LINGO1: variants seen among roughly 807,000 people sequenced by gnomAD.
LINGO1 encodes leucine rich repeat and Ig domain containing 1.
LINGO1 carries 11 observed loss-of-function variants against 37.3 expected under a neutral mutation model. The observed-to-expected ratio is 0.29, with a 90% confidence interval of 0.19 to 0.49. The LOEUF is 0.49. Among genes scored for constraint, LINGO1 ranks in the 20% least tolerant of loss-of-function variants. The pLI is 0.99. For synonymous variants in LINGO1, 387 were observed against 403.0 expected (o/e 0.96, Z 0.48); for missense variants, 585 against 878.2 (o/e 0.67, Z 4.22).
At position 77,746,653 on chromosome 15, in the gene LINGO1, C is replaced by A. The variant is rs148755076; in HGVS notation, c.-256-11600G>T. 1.3e-3 allele frequency among the ~76,000 whole-genome samples: 202 copies of A among 152,236 alleles called. 2 individuals are homozygous for A. The highest frequency in any genetic ancestry group is 4.8e-3 in the African/African-American group (198 of 41,520). ...CCCTGCCTGGAGGATAACAAGGCAC[C>A]CTATCCTACAGGAGGCTCAGGCAGG... is the stretch of plus-strand genomic sequence containing the variant. On this transcript the variant is annotated intron_variant, in intron 1 of 3. Transcript: ENST00000561686.
At chr15:77,736,287 T>A (rs2141340423) in intron 1 of LINGO1, among the ~76,000 whole-genome samples, 1 of 152,234 alleles carries the variant, frequency 6.6e-6, no homozygotes, top group African/African-American at 2.4e-5. Context: ...GCACCTGCAT[T>A]CCTCACTTCA....
intron 1 of LINGO1, among the ~76,000 whole-genome samples, chr15:77,813,290 G>A (rs1031913486): frequency 6.6e-6 from 1 of 152,164 alleles, no homozygotes; most frequent in Non-Finnish European, 1.5e-5. Context: ...GGATCTCCAC[G>A]GACAGGGATG....
At chr15:77,801,632 T>C (rs2076919699) in intron 1 of LINGO1, among the ~76,000 whole-genome samples, 2 of 151,284 alleles carry the variant, frequency 1.3e-5, no homozygotes. Flanking sequence ...TAATAGGAAA[T>C]GCAGATCTAA....
chr15:77,614,649 T>C lies in LINGO1; in HGVS notation c.1258A>G (p.Thr420Ala). The C allele has an allele frequency of 6.2e-7, 1 of 1,610,254 alleles. No individual in the cohort carries two copies. ...FPDVLLPNYF[T>A]CRRARIRDRK... ...TCCCGGATGCGGGCGCGGCGGCAGG[T>C]GAAGTAGTTGGGCAGTAGCACATCA... The change falls in exon 2 of 2, where the codon ACC becomes GCC. Residue 420 changes from threonine (T) to alanine (A), a missense_variant. Transcript: ENST00000355300.
At chr15:77,742,532 T>G (rs972495549) in intron 1 of LINGO1, among the ~76,000 whole-genome samples, 3 of 152,164 alleles carry the variant, frequency 2.0e-5, no homozygotes, top group Non-Finnish European at 4.4e-5. Flanking sequence ...AGGCATAATT[T>G]GAACCCAGAT....
upstream of LINGO1, among the ~76,000 whole-genome samples, chr15:77,633,771 G>A (rs1490260566): frequency 6.6e-6 from 1 of 152,224 alleles, no homozygotes; most frequent in Admixed American, 6.5e-5. Flanking sequence ...CGGGCCCAAG[G>A]AATGGGACCT....
upstream of LINGO1, chr15:77,634,416 C>G: frequency 2.2e-6 from 1 of 447,288 alleles, no homozygotes; most frequent in Non-Finnish European, 4.5e-6. Context: ...AGAGTCCCTC[C>G]TAGCAGGCGT....
At chr15:77,685,995 C>T (rs539906515) in intron 2 of LINGO1, among the ~76,000 whole-genome samples, 18 of 152,178 alleles carry the variant, frequency 1.2e-4, no homozygotes, top group Admixed American at 3.9e-4. Flanking sequence ...GGGTGGTGGG[C>T]GGCTGTCTAG....
intron 1 of LINGO1, among the ~76,000 whole-genome samples, chr15:77,766,629 T>A (rs2076533072): frequency 6.6e-6 from 1 of 152,094 alleles, no homozygotes; most frequent in Non-Finnish European, 1.5e-5. Flanking sequence ...GATCTGATGG[T>A]TTTATAAGCA....
chr15:77,743,047 G>A (rs2076280252), intron 1 of LINGO1, among the ~76,000 whole-genome samples: 1 of 152,220 alleles, frequency 6.6e-6, no homozygotes, highest in Non-Finnish European at 1.5e-5. Context: ...CTCAGAAATT[G>A]AGAAGAATCT....
intron 2 of LINGO1, among the ~76,000 whole-genome samples, chr15:77,716,757 C>T (rs1449930341): frequency 6.7e-6 from 1 of 150,188 alleles, no homozygotes; most frequent in African/African-American, 2.4e-5. Flanking sequence ...TAGATGTCAG[C>T]ATTTCAAACC....
intron 1 of LINGO1, among the ~76,000 whole-genome samples, chr15:77,772,861 C>G (rs1480860400): frequency 2.0e-5 from 3 of 152,158 alleles, no homozygotes; most frequent in African/African-American, 7.2e-5. Context: ...GGGGGCGCGC[C>G]TTAGCATGGT....
chr15:77,651,968 T>C (rs2141140676), intron 3 of LINGO1: 1 of 152,342 alleles, frequency 6.6e-6, no homozygotes, highest in Admixed American at 6.5e-5. Flanking sequence ...TCTCAAACTC[T>C]GGTGAAGTCA....
intron 3 of LINGO1, among the ~76,000 whole-genome samples, chr15:77,658,188 C>A (rs918828717): frequency 6.6e-6 from 1 of 152,208 alleles, no homozygotes; most frequent in South Asian, 2.1e-4. Flanking sequence ...CCCTGGAGTC[C>A]GGCGCATGCC....
chr15:77,643,320 C>CA (rs1162533135), intron 3 of LINGO1, among the ~76,000 whole-genome samples: 1 of 152,170 alleles, frequency 6.6e-6, no homozygotes, highest in Non-Finnish European at 1.5e-5. Context: ...AGGGGAGACC[C>CA]AGGGCCCTGG....
intron 1 of LINGO1, among the ~76,000 whole-genome samples, chr15:77,765,438 G>T (rs1220658525): frequency 1.3e-5 from 2 of 151,454 alleles, no homozygotes; most frequent in African/African-American, 4.9e-5. Flanking sequence ...AACCAGAACT[G>T]TGAAAGCAGA....
chr15:77,794,552 GTGTATATATACACACACACA>G (rs1172036289), intron 2 of LINGO1, among the ~76,000 whole-genome samples: 1 of 117,548 alleles, frequency 8.5e-6, no homozygotes, highest in Non-Finnish European at 1.8e-5. Flanking sequence ...ACGTATATAT[GTGTATATATACACACACACA>G]TATATATATA....
At chr15:77,620,506 G>A (rs1034247305) in intron 1 of LINGO1, among the ~76,000 whole-genome samples, 55 of 152,224 alleles carry the variant, frequency 3.6e-4, no homozygotes, top group African/African-American at 1.2e-3. Context: ...CCTGGTTCAG[G>A]CAATGCTCCC....
rs1555541580 is a variant in LINGO1 at position 77,777,463 on chromosome 15, A to ATG, written c.-257+9405_-257+9406insCA. Among the ~76,000 whole-genome samples the ATG allele has an allele frequency of 5.7e-5, 3 of 52,996 alleles. 1 individual carries two copies. Among genetic ancestry groups the ATG allele is most frequent in the South Asian group, 2.0e-3 (2 of 1,004 alleles). The allele number at this position is 52,996 out of a possible 152,430, so 34.8% of individuals were successfully genotyped here. A position where few individuals can be genotyped will look rare whatever the true frequency, so the allele number is the denominator to read the frequency against. ...AAACAGATTTTGGACATATACACAC[A>ATG]CGCACACACACACACACACACACAC... On this transcript the variant is annotated intron_variant, in intron 1 of 3. Coordinates refer to the LINGO1 transcript ENST00000561686.
Sources: allele counts gnomAD v4.1 joint callset (sites outside exome capture counted in the v4.1 genomes callset), GRCh38; gene constraint gnomAD v4.1.1; transcripts MANE v1.5; gene names NCBI Gene and HGNC (gene_info 2026-07-23, HGNC 2026-07-21).